Variants in DOCK10 observed in about 807,000 individuals in gnomAD.
The protein encoded by DOCK10 is dedicator of cytokinesis protein 10.
DOCK10 carries 145 observed loss-of-function variants against 280.1 expected under a neutral mutation model. That is an observed-to-expected ratio of 0.52 (90% CI 0.45 to 0.59). The LOEUF (loss-of-function observed/expected upper bound fraction) is 0.59. Ranked by LOEUF, DOCK10 falls within the 20% of genes least tolerant of loss-of-function variation. The pLI, the probability that DOCK10 is intolerant of heterozygous loss-of-function variation, is 0.00. For missense variants in DOCK10, 2,368 were observed against 2,651.7 expected (o/e 0.89, Z 2.35); for synonymous variants, 915 against 942.2 (o/e 0.97, Z 0.53).
intron 1 of DOCK10, among the ~76,000 whole-genome samples, chr2:224,936,314 G>T (rs191892678): frequency 2.6e-5 from 4 of 152,108 alleles, no homozygotes; most frequent in Non-Finnish European, 5.9e-5. Context: ...TGGAGTTCAT[G>T]ATCAAGATGG....
chr2:224,899,720 C>T (rs1700184766), intron 3 of DOCK10, among the ~76,000 whole-genome samples: 1 of 151,664 alleles, frequency 6.6e-6, no homozygotes, highest in Non-Finnish European at 1.5e-5. Context: ...CAGAGTATAT[C>T]GTCATGCATA....
At position 224,960,182 on chromosome 2, in the gene DOCK10, AATT is replaced by A. The variant is rs1300590644; in HGVS notation, c.124-28517_124-28515del. 3.3e-5 allele frequency among the ~76,000 whole-genome samples: 5 copies of A among 152,250 alleles called. No individual in the cohort carries two copies. The South Asian group carries it at 1.0e-3, about 32-fold the overall frequency. ...GCTGCACATTTATTATCATTATTAT[AATT>A]ATTATTGTTATTCCTATTGTTCCTG... On this transcript the variant is annotated intron_variant, in intron 1 of 55. Coordinates refer to ENST00000258390, the MANE Select transcript of DOCK10 (RefSeq NM_014689.3).
At chr2:224,967,828 G>A (rs1333956429) in intron 1 of DOCK10, among the ~76,000 whole-genome samples, 1 of 151,656 alleles carries the variant, frequency 6.6e-6, no homozygotes, top group Non-Finnish European at 1.5e-5. Context: ...TTAAAAAAAT[G>A]ACCTCAAATG....
chr2:224,869,329 G>T (rs1195245011), intron 11 of DOCK10, among the ~76,000 whole-genome samples: 4 of 152,132 alleles, frequency 2.6e-5, no homozygotes, highest in Non-Finnish European at 5.9e-5. Context: ...CTCATCATGA[G>T]GATGTTATTT....
At chr2:224,958,571 CA>C (rs1377621473) in intron 1 of DOCK10, among the ~76,000 whole-genome samples, 1 of 152,082 alleles carries the variant, frequency 6.6e-6, no homozygotes, top group Non-Finnish European at 1.5e-5. Flanking sequence ...TGCACAACTA[CA>C]AAAGGTTCCA....
intron 1 of DOCK10, among the ~76,000 whole-genome samples, chr2:225,039,390 G>A (rs1690353237): frequency 6.6e-6 from 1 of 152,078 alleles, no homozygotes; most frequent in Non-Finnish European, 1.5e-5. Flanking sequence ...ATTTTCTATG[G>A]GGAATTTTAG....
At chr2:224,874,537 G>A in intron 9 of DOCK10, 129 bp downstream of exon 9, 2 of 1,005,362 alleles carry the variant, frequency 2.0e-6, no homozygotes, top group South Asian at 2.8e-5. Flanking sequence ...AAACACATAG[G>A]TTAACGGGAA....
intron 25 of DOCK10, among the ~76,000 whole-genome samples, chr2:224,836,659 GCACAATCTTGGCT>G (rs898146097): frequency 2.0e-5 from 3 of 151,530 alleles, no homozygotes; most frequent in African/African-American, 7.3e-5. Context: ...GAGTGCAGTG[GCACAATCTTGGCT>G]CACTGCAAGC....
At chr2:224,801,111 T>C (rs1419985097) in intron 40 of DOCK10, among the ~76,000 whole-genome samples, 1 of 151,954 alleles carries the variant, frequency 6.6e-6, no homozygotes, top group Non-Finnish European at 1.5e-5. Context: ...GATGGCAGAC[T>C]TCAGAGAGAA....
rs146041236 is a variant in DOCK10, at chr2:224,854,789, C to A, written c.1888+174G>T. ...AAGAAGCTCCACATTTCTGTAGCAT[C>A]ATGAATTCCATATATTTCAACTTTT... On this transcript the variant is annotated intron_variant, in intron 16 of 55. Transcript: ENST00000258390. 6.9e-4 allele frequency among the ~76,000 whole-genome samples: 105 copies of A among 151,526 alleles called. 2 individuals are homozygous for A. Among genetic ancestry groups the A allele is most frequent in the African/African-American group, 2.4e-3 (98 of 41,386 alleles).
At chr2:224,777,856 C>G (rs1429400983) in intron 51 of DOCK10, among the ~76,000 whole-genome samples, 5 of 152,286 alleles carry the variant, frequency 3.3e-5, no homozygotes, top group African/African-American at 1.2e-4. Flanking sequence ...CACCACTGAG[C>G]CCAATTACTT....
intron 1 of DOCK10, among the ~76,000 whole-genome samples, chr2:224,953,732 T>C (rs1703888512): frequency 6.6e-6 from 1 of 152,222 alleles, no homozygotes; most frequent in Non-Finnish European, 1.5e-5. Flanking sequence ...TTTAAAATAG[T>C]GGTTTTTTAA....
rs1228655640 is a variant in DOCK10 at position 224,765,705 on chromosome 2, T to C, written c.*16A>G. On this transcript the variant is annotated 3_prime_UTR_variant, in exon 56 of 56. Coordinates refer to ENST00000258390, the MANE Select transcript of DOCK10 (RefSeq NM_014689.3). Reference sequence around the variant, plus strand: ...CAGAAAGTTCTCTTAGAGGTGGGTCTGATGCTGCAGAGCCCTCAGACTTCA... The same window carrying C: ...CAGAAAGTTCTCTTAGAGGTGGGTCCGATGCTGCAGAGCCCTCAGACTTCA... 5.7e-6 allele frequency: 9 copies of C among 1,567,014 alleles called. No individual in the cohort carries two copies. The highest frequency in any genetic ancestry group is 1.8e-6 in the Non-Finnish European group (2 of 1,140,036).
chr2:225,006,704 A>G (rs1390273120), intron 1 of DOCK10, among the ~76,000 whole-genome samples: 5 of 152,228 alleles, frequency 3.3e-5, no homozygotes, highest in Admixed American at 3.3e-4. Context: ...TTGGAGAAAT[A>G]AAAGGAGCAA....
intron 47 of DOCK10, among the ~76,000 whole-genome samples, chr2:224,791,044 A>C (rs922783908): frequency 6.6e-6 from 1 of 152,230 alleles, no homozygotes; most frequent in Non-Finnish European, 1.5e-5. Flanking sequence ...ATGGACATAC[A>C]TTATATTCTC....
chr2:225,013,965 C>G (rs879717898), intron 1 of DOCK10, among the ~76,000 whole-genome samples: 1 of 151,900 alleles, frequency 6.6e-6, no homozygotes, highest in Admixed American at 6.6e-5. Context: ...ATTTAAGAGC[C>G]TTTCATATTT....
At chr2:224,920,479 T>C (rs570025027) in intron 2 of DOCK10, among the ~76,000 whole-genome samples, 1 of 152,232 alleles carries the variant, frequency 6.6e-6, no homozygotes, top group African/African-American at 2.4e-5. Context: ...TATTGAAGTT[T>C]TGGAGTAGAA....
chr2:225,035,572 ATATATATATATATAT>A (rs1559986775), intron 1 of DOCK10, among the ~76,000 whole-genome samples: 1,989 of 69,956 alleles, frequency 0.028, 163 homozygotes, highest in African/African-American at 0.093. Context: ...ATATATATAT[ATATATATATATATAT>A]AACACTGAAT....
chr2:225,014,081 A>ATATATATTTTT (rs776104946), intron 1 of DOCK10, among the ~76,000 whole-genome samples: 4 of 96,798 alleles, frequency 4.1e-5, no homozygotes, highest in East Asian at 3.1e-4. Context: ...GTCTGAATAT[A>ATATATATTTTT]TTGTTTTTTT....
Sources: gnomAD v4.1 joint callset for allele counts (sites outside exome capture counted in the v4.1 genomes callset) on GRCh38, gnomAD v4.1.1 for gene constraint, MANE v1.5 for transcripts, NCBI Gene and HGNC (gene_info 2026-07-23, HGNC 2026-07-21) for gene names.